Variants in ACADM observed in about 807,000 individuals in gnomAD.
ACADM encodes medium-chain specific acyl-CoA dehydrogenase, mitochondrial.
Under a neutral mutation model 58.9 loss-of-function variants are expected in ACADM, and 49 were observed. That is an observed-to-expected ratio of 0.83 (90% confidence interval 0.66 to 1.06). The LOEUF (loss-of-function observed/expected upper bound fraction) is 1.06, where lower values mean the gene tolerates loss of function less well. Among genes scored for constraint, ACADM ranks in the 50% least tolerant of loss-of-function variants. The probability of loss-of-function intolerance (pLI) is 0.00; values close to 1 mark genes in which losing one functional copy is unlikely to be tolerated. For synonymous variants in ACADM, 160 were observed against 157.7 expected (o/e 1.01, Z -0.11); for missense variants, 496 against 507.0 (o/e 0.98, Z 0.21).
intron 2 of ACADM, among the ~76,000 whole-genome samples, chr1:75,729,170 C>T (rs765596641): frequency 4.0e-5 from 6 of 151,002 alleles, no homozygotes; most frequent in Admixed American, 2.0e-4. Context: ...CAAAGCTCTC[C>T]AGAGTTATTT....
At chr1:75,734,595 T>A (rs968751246) in intron 5 of ACADM, 196 bp from the exon 6 acceptor site, 18 of 564,990 alleles carry the variant, frequency 3.2e-5, no homozygotes, top group Admixed American at 2.4e-4. Context: ...GTCCTACATA[T>A]AACCTAATTT....
In ACADM at chr1:75,728,444, C is replaced by T. The variant is rs1647089744; in HGVS notation, c.74C>T (p.Thr25Ile). ...CGTTTTCATTGGAGATCACAGCATACAAAAGCCAATCGACAACGTGAACCA... is the reference window on the plus strand; with the variant it reads ...CGTTTTCATTGGAGATCACAGCATATAAAAGCCAATCGACAACGTGAACCA... ...ISRFHWRSQH[T>I]KANRQREPGL... Residue 25 changes from threonine to isoleucine, a missense_variant, in exon 2 of 12, where the codon ACA (threonine) becomes ATA (isoleucine). Thr to Ile is a moderately conservative substitution (Grantham distance 89). Transcript: ENST00000370841. 1 of 1,613,554 alleles carries T rather than the reference C, an allele frequency of 6.2e-7. No homozygotes were observed. The highest frequency in any genetic ancestry group is 2.2e-5 in the East Asian group (1 of 44,772).
chr1:75,760,720 A>G lies in ACADM; in HGVS notation c.946-402A>G, dbSNP rs575526686. ...GAATAAGAAGAAATAACTAAATTCA[A>G]CGTATAATGGTGGAAAAAGAACATT... On this transcript the variant is annotated intron_variant, in intron 10 of 11. Transcript: ENST00000370841. Among the ~76,000 whole-genome samples the G allele has an allele frequency of 2.0e-3, 312 of 152,286 alleles. 2 individuals are homozygous for G. The highest frequency in any genetic ancestry group is 7.0e-3 in the African/African-American group (291 of 41,570).
intron 8 of ACADM, among the ~76,000 whole-genome samples, chr1:75,746,664 T>A (rs1442641544): frequency 6.6e-6 from 1 of 150,876 alleles, no homozygotes; most frequent in Admixed American, 6.6e-5. Flanking sequence ...AGTGGCAGGA[T>A]CTCAGCTCAC....
intron 7 of ACADM, among the ~76,000 whole-genome samples, chr1:75,742,367 C>A (rs1439280737): frequency 1.3e-5 from 2 of 152,160 alleles, no homozygotes; most frequent in Admixed American, 6.6e-5. Flanking sequence ...TCTACTAACA[C>A]CCTCAGGGTG....
intron 10 of ACADM, among the ~76,000 whole-genome samples, chr1:75,751,795 G>C (rs911926514): frequency 1.1e-4 from 16 of 151,974 alleles, no homozygotes; most frequent in Non-Finnish European, 2.2e-4. Flanking sequence ...CACTGCGCCT[G>C]GCCTATGTTA....
At chr1:75,734,454 C>T (rs1189181216) in intron 5 of ACADM, among the ~76,000 whole-genome samples, 2 of 151,708 alleles carry the variant, frequency 1.3e-5, no homozygotes, top group African/African-American at 4.8e-5. Context: ...GGATTACAGG[C>T]GTGAGCCACT....
At chr1:75,754,038 C>T (rs572595231) in intron 10 of ACADM, among the ~76,000 whole-genome samples, 11 of 149,860 alleles carry the variant, frequency 7.3e-5, no homozygotes, top group East Asian at 3.9e-4. Context: ...TTGAGTAATC[C>T]GCCCATCTTG....
chr1:75,737,139 A>C (rs1457813331), intron 6 of ACADM, among the ~76,000 whole-genome samples: 2 of 151,010 alleles, frequency 1.3e-5, no homozygotes, highest in Non-Finnish European at 3.0e-5. Context: ...ATCAAATAAG[A>C]AGCCAAGAAC....
intron 7 of ACADM, chr1:75,744,279 T>G (rs1160024764): frequency 6.2e-7 from 1 of 1,613,378 alleles, no homozygotes; most frequent in Non-Finnish European, 8.5e-7. Context: ...CTATAGGTTC[T>G]GCTTTTGGGG....
At chr1:75,733,115 A>C (rs755862445) in intron 4 of ACADM, 193 bp downstream of exon 4, 28 of 1,612,730 alleles carry the variant, frequency 1.7e-5, no homozygotes, top group Admixed American at 3.3e-5. Context: ...TCCTTCTTCT[A>C]ACTGGTTCCA....
intron 5 of ACADM, 82 bp downstream of exon 5, chr1:75,733,710 G>GAA: frequency 3.6e-5 from 41 of 1,133,068 alleles, no homozygotes; most frequent in African/African-American, 8.0e-5. Flanking sequence ...ATTTTTAGAA[G>GAA]AAAAAAAAAG....
chr1:75,738,028 T>G (rs1647365422), intron 6 of ACADM, among the ~76,000 whole-genome samples: 1 of 151,498 alleles, frequency 6.6e-6, no homozygotes, highest in Admixed American at 6.6e-5. Context: ...GCGATTCTCC[T>G]GCCTCAGCCT....
chr1:75,762,245 A>C (rs1024667821), intron 11 of ACADM, among the ~76,000 whole-genome samples: 1 of 152,180 alleles, frequency 6.6e-6, no homozygotes, highest in Non-Finnish European at 1.5e-5. Flanking sequence ...CTGACTCTTG[A>C]AATCCTTCCA....
chr1:75,737,281 TATATATATATA>T (rs1212129283), intron 6 of ACADM, among the ~76,000 whole-genome samples: 1,112 of 20,106 alleles, frequency 0.055, 77 homozygotes, highest in African/African-American at 0.11. Context: ...CACACACAAA[TATATATATATA>T]TATATATATA....
At chr1:75,754,045 C>G (rs1648359189) in intron 10 of ACADM, among the ~76,000 whole-genome samples, 1 of 149,144 alleles carries the variant, frequency 6.7e-6, no homozygotes, top group African/African-American at 2.5e-5. Context: ...ATCCGCCCAT[C>G]TTGGTCTCCC....
intron 7 of ACADM, among the ~76,000 whole-genome samples, chr1:75,742,241 C>T (rs1272544052): frequency 6.6e-6 from 1 of 151,180 alleles, no homozygotes; most frequent in African/African-American, 2.4e-5. Flanking sequence ...CAGCCTCAGG[C>T]CTGGATGCAG....
chr1:75,733,109 T>C (rs1219413597), intron 4 of ACADM, 187 bp downstream of exon 4: 3 of 1,612,770 alleles, frequency 1.9e-6, no homozygotes, highest in Admixed American at 1.7e-5. Flanking sequence ...CGTTTTTCCT[T>C]CTTCTAACTG....
At chr1:75,736,949 T>G (rs1235308657) in intron 6 of ACADM, among the ~76,000 whole-genome samples, 1 of 152,096 alleles carries the variant, frequency 6.6e-6, no homozygotes, top group East Asian at 1.9e-4. Flanking sequence ...AACATGAACA[T>G]TTTCTTATGC....
Sources: allele counts gnomAD v4.1 joint callset (sites outside exome capture counted in the v4.1 genomes callset), GRCh38; gene constraint gnomAD v4.1.1; transcripts MANE v1.5; gene names NCBI Gene and HGNC (gene_info 2026-07-23, HGNC 2026-07-21).